Variants in ANKS1B observed in about 807,000 individuals in gnomAD.
ANKS1B encodes the protein ankyrin repeat and sterile alpha motif domain-containing protein 1B.
A neutral mutation model predicts 148.3 loss-of-function variants in ANKS1B; 36 were observed. That is an observed-to-expected ratio of 0.24 (90% CI 0.19 to 0.32). The LOEUF is 0.32. ANKS1B is among the 10% of genes least tolerant of loss of function. The pLI is 1.00. For missense variants in ANKS1B, 1,157 were observed against 1,542.6 expected (o/e 0.75, Z 4.19); for synonymous variants, 542 against 560.8 (o/e 0.97, Z 0.47).
chr12:98,907,786 T>C (rs1444374282), intron 17 of ANKS1B, among the ~76,000 whole-genome samples: 1 of 152,180 alleles, frequency 6.6e-6, no homozygotes, highest in Non-Finnish European at 1.5e-5. Context: ...CCAAACTGTT[T>C]ACCCCATACT....
At chr12:99,931,796 T>C (rs534927031) in intron 1 of ANKS1B, among the ~76,000 whole-genome samples, 1 of 152,270 alleles carries the variant, frequency 6.6e-6, no homozygotes, top group South Asian at 2.1e-4. Flanking sequence ...AATTATACTC[T>C]AGTTATTTTA....
chr12:98,982,136 A>C (rs1010851884), intron 17 of ANKS1B, among the ~76,000 whole-genome samples: 22 of 152,260 alleles, frequency 1.4e-4, no homozygotes, highest in African/African-American at 5.3e-4. Flanking sequence ...AATACTTTAA[A>C]ATAATTTTTA....
At chr12:99,437,550 T>G (rs1228726777) in intron 11 of ANKS1B, among the ~76,000 whole-genome samples, 3 of 151,940 alleles carry the variant, frequency 2.0e-5, no homozygotes, top group Non-Finnish European at 4.4e-5. Context: ...CCTTCTATTT[T>G]AGACTTGATT....
At chr12:99,073,242 T>A (rs1382146883) in intron 16 of ANKS1B, among the ~76,000 whole-genome samples, 2 of 152,164 alleles carry the variant, frequency 1.3e-5, no homozygotes, top group African/African-American at 4.8e-5. Flanking sequence ...GGTCAGACAA[T>A]TAGGCAAAGA....
At position 99,494,994 on chromosome 12, in the gene ANKS1B, T is replaced by C. The variant is rs549793995; in HGVS notation, c.1438+9482A>G. Among the ~76,000 whole-genome samples, 39 of 152,192 alleles carry C rather than the reference T, an allele frequency of 2.6e-4. No individual in the cohort carries two copies. In the South Asian group the frequency reaches 7.5e-3, roughly 29 times the overall value. On this transcript the variant is annotated intron_variant, in intron 10 of 26. Coordinates refer to ENST00000683438, the MANE Select transcript of ANKS1B (RefSeq NM_001352186.2). ...TCTATTTTCTTTATGAATTAAAATA[T>C]GAGACCATCTGCTGAGAGTGAGAGA...
intron 15 of ANKS1B, among the ~76,000 whole-genome samples, chr12:99,101,654 C>A (rs573789099): frequency 1.3e-5 from 2 of 152,116 alleles, no homozygotes; most frequent in African/African-American, 4.8e-5. Context: ...CTCCACCTCC[C>A]GGGTTCAAGC....
At chr12:99,382,692 T>A (rs1479298813) in intron 12 of ANKS1B, among the ~76,000 whole-genome samples, 1 of 94,738 alleles carries the variant, frequency 1.1e-5, no homozygotes, top group Non-Finnish European at 2.1e-5. Context: ...AGTGGGACTC[T>A]GTATTAAAAA....
chr12:99,044,769 A>G (rs1424981876), intron 17 of ANKS1B, among the ~76,000 whole-genome samples: 3 of 152,080 alleles, frequency 2.0e-5, no homozygotes, highest in African/African-American at 7.2e-5. Context: ...AGAGAAAGGG[A>G]TGGATCATAG....
intron 12 of ANKS1B, among the ~76,000 whole-genome samples, chr12:99,381,193 G>T (rs1415678674): frequency 6.6e-6 from 1 of 152,164 alleles, no homozygotes; most frequent in Admixed American, 6.5e-5. Context: ...AATTTCTGTT[G>T]TATCAAGCCA....
At chr12:99,713,930 T>C (rs1340783341) in intron 8 of ANKS1B, among the ~76,000 whole-genome samples, 2 of 152,234 alleles carry the variant, frequency 1.3e-5, no homozygotes, top group Admixed American at 6.5e-5. Flanking sequence ...TTCCTACTTC[T>C]GCTCCAATAA....
chr12:98,782,253 C>A, intron 22 of ANKS1B, 116 bp from the exon 23 acceptor site: 1 of 855,866 alleles, frequency 1.2e-6, no homozygotes, highest in Non-Finnish European at 1.9e-6. Context: ...CATTAAAAAA[C>A]AAAAGATGCC....
intron 11 of ANKS1B, among the ~76,000 whole-genome samples, chr12:99,430,966 C>T (rs967039278): frequency 6.6e-6 from 1 of 152,142 alleles, no homozygotes; most frequent in Non-Finnish European, 1.5e-5. Context: ...GGAGAGAAAG[C>T]AAGCAGTGTG....
intron 1 of ANKS1B, among the ~76,000 whole-genome samples, chr12:99,859,223 C>G (rs1031882774): frequency 2.0e-5 from 3 of 152,190 alleles, no homozygotes; most frequent in African/African-American, 7.2e-5. Context: ...ATCAGTTAGT[C>G]TTATTGTGGC....
In ANKS1B at chr12:98,745,375, C is replaced by CTTTT. The variant is rs71305587; in HGVS notation, c.*360_*363dup. On this transcript the variant is annotated 3_prime_UTR_variant, in exon 27 of 27. Coordinates refer to ENST00000683438, the MANE Select transcript of ANKS1B (RefSeq NM_001352186.2). The stretch of plus-strand genomic sequence containing the variant: ...TAGGCAGTATTAGAGATCCCCTTTA[C>CTTTT]TTTTTTTTTTTTTTTTTTTTTTTTA... 0.012 allele frequency: 10,811 copies of CTTTT among 904,862 alleles called. 3 individuals carry two copies. Among genetic ancestry groups the CTTTT allele is most frequent in the Non-Finnish European group, 0.013 (9,881 of 784,276 alleles). The allele number at this position is 904,862 out of a possible 1,614,324, so 56.1% of individuals were successfully genotyped here.
chr12:99,306,172 A>T (rs139594011), intron 12 of ANKS1B, among the ~76,000 whole-genome samples: 210 of 152,168 alleles, frequency 1.4e-3, no homozygotes, highest in African/African-American at 4.7e-3. Context: ...ACCAACAGTT[A>T]TTGGAGGAGT....
intron 17 of ANKS1B, among the ~76,000 whole-genome samples, chr12:98,927,608 T>C (rs1381996682): frequency 6.6e-6 from 1 of 151,944 alleles, no homozygotes; most frequent in African/African-American, 2.4e-5. Flanking sequence ...GTCATAAAGA[T>C]ATAATTTCTA....
intron 17 of ANKS1B, among the ~76,000 whole-genome samples, chr12:99,023,484 T>C (rs1482573098): frequency 2.6e-5 from 4 of 152,046 alleles, no homozygotes; most frequent in African/African-American, 9.7e-5. Flanking sequence ...CCTCCTGCTC[T>C]TCCTCCTCCT....
intron 14 of ANKS1B, among the ~76,000 whole-genome samples, chr12:99,209,666 G>A (rs1011424874): frequency 6.6e-6 from 1 of 152,160 alleles, no homozygotes; most frequent in Non-Finnish European, 1.5e-5. Flanking sequence ...AGAACTTGAT[G>A]ATTTCATGTT....
intron 10 of ANKS1B, among the ~76,000 whole-genome samples, chr12:99,485,017 C>T (rs112331930): frequency 0.11 from 16,839 of 151,824 alleles, 1,251 homozygotes; most frequent in South Asian, 0.19. Flanking sequence ...AGGCCATTTA[C>T]ATTCAACGTT....
Sources: allele counts gnomAD v4.1 joint callset (sites outside exome capture counted in the v4.1 genomes callset), GRCh38; gene constraint gnomAD v4.1.1; transcripts MANE v1.5; gene names NCBI Gene and HGNC (gene_info 2026-07-23, HGNC 2026-07-21).